Variants in MCM3AP observed in about 807,000 individuals in gnomAD.
MCM3AP encodes the protein minichromosome maintenance complex component 3 associated protein.
A neutral mutation model predicts 184.1 loss-of-function variants in MCM3AP; 126 were observed. The ratio of observed to expected loss-of-function variants is 0.68; its 90% CI spans 0.59 to 0.79. MCM3AP has a LOEUF of 0.79. Ranked by LOEUF, MCM3AP falls within the 30% of genes least tolerant of loss-of-function variation. The pLI is 0.00. For missense variants in MCM3AP, 2,496 were observed against 2,479.2 expected (o/e 1.01, Z -0.14); for synonymous variants, 1,002 against 979.3 (o/e 1.02, Z -0.43).
At chr21:46,269,395 C>G (rs1001123342) in intron 9 of MCM3AP, among the ~76,000 whole-genome samples, 6 of 152,274 alleles carry the variant, frequency 3.9e-5, no homozygotes, top group African/African-American at 1.2e-4. Context: ...GCCAGGATAA[C>G]AGGTGTGAGC....
chr21:46,264,429 G>A (rs999796287), intron 12 of MCM3AP, among the ~76,000 whole-genome samples: 2 of 152,170 alleles, frequency 1.3e-5, no homozygotes, highest in African/African-American at 2.4e-5. Context: ...GCCACACAGC[G>A]CCCTGGCCTA....
intron 9 of MCM3AP, among the ~76,000 whole-genome samples, chr21:46,268,392 G>C (rs984610912): frequency 2.0e-5 from 3 of 152,222 alleles, no homozygotes; most frequent in African/African-American, 7.2e-5. Flanking sequence ...GAGTACAACA[G>C]TGAACAAAAA....
Position 46,246,215 on chromosome 21 carries a change from A to G in MCM3AP, c.4647+92T>C, listed in dbSNP as rs2080764821. The stretch of plus-strand genomic sequence containing the variant: ...AACCCTGTCTCTTAAGAAAAAGACA[A>G]TGCAAACGCTAATATACACTCAATT... On this transcript the variant is annotated intron_variant, in intron 22 of 27. Coordinates refer to ENST00000291688, the MANE Select transcript of MCM3AP (RefSeq NM_003906.5). 5.2e-6 allele frequency: 4 copies of G among 776,498 alleles called. No individual in the cohort carries two copies. In the Admixed American group the frequency reaches 6.3e-5, roughly 12 times the overall value. The allele number at this position is 776,498 out of a possible 1,614,324, so 48.1% of individuals were successfully genotyped here.
chr21:46,264,406 C>T (rs996387939), intron 12 of MCM3AP, among the ~76,000 whole-genome samples, 189 bp from the exon 13 acceptor site: 5 of 152,166 alleles, frequency 3.3e-5, no homozygotes, highest in African/African-American at 4.8e-5. Flanking sequence ...GAGAGGAAGG[C>T]GCCCTGCGGA....
chr21:46,260,429 G>A (rs1299883665), intron 15 of MCM3AP, among the ~76,000 whole-genome samples: 1 of 152,124 alleles, frequency 6.6e-6, no homozygotes, highest in East Asian at 1.9e-4. Flanking sequence ...GGGACTACAG[G>A]TGCCTGGCGT....
chr21:46,259,078 T>C lies in MCM3AP; in HGVS notation c.3595A>G (p.Thr1199Ala), dbSNP rs1248252077. 1 of 1,611,288 alleles carries C rather than the reference T, an allele frequency of 6.2e-7. No homozygotes were observed. The highest frequency in any genetic ancestry group is 8.5e-7 in the Non-Finnish European group (1 of 1,178,902). The change falls in exon 16 of 28, where the codon ACA becomes GCA. Residue 1199 changes from threonine (T) to alanine (A), a missense_variant. By Grantham distance (58) the Thr-to-Ala change is moderately conservative. This residue lies in a region of MCM3AP where 1,323 missense variants were observed against 1,273.4 expected (regional missense o/e 1.04). Coordinates refer to ENST00000291688, the MANE Select transcript of MCM3AP (RefSeq NM_003906.5). The part of the protein sequence containing the change: ...CSQELKNAVE[T>A]DQRVRVARCC... The stretch of plus-strand genomic sequence containing the variant: ...CGGGCCACACGGACCCTCTGGTCTG[T>C]CTCTACTGCATTCCTAGAAACAGGG...
chr21:46,235,188 T>G lies in MCM3AP; in HGVS notation c.*80A>C. 2 of 1,403,286 alleles carry G rather than the reference T, an allele frequency of 1.4e-6. No homozygotes were observed. The highest frequency in any genetic ancestry group is 2.0e-6 in the Non-Finnish European group (2 of 1,003,456). The allele number at this position is 1,403,286 out of a possible 1,614,324, so 86.9% of individuals were successfully genotyped here. A position where few individuals can be genotyped will look rare whatever the true frequency, so the allele number is the denominator to read the frequency against. ...AATTAATCACATTTCCAACAGTGCA[T>G]CAAGCATCTGAGAATAACATTATTT... is the stretch of plus-strand genomic sequence containing the variant. On this transcript the variant is annotated 3_prime_UTR_variant, in exon 28 of 28. Transcript: ENST00000291688.
Position 46,244,887 on chromosome 21 carries a change from T to C in MCM3AP, c.4958A>G (p.Asn1653Ser), listed in dbSNP as rs1428036915. ...GSRLLPHLHWNAPEHLAWLKQ... is the reference protein window; with the variant it reads ...GSRLLPHLHWSAPEHLAWLKQ... The stretch of plus-strand genomic sequence containing the variant: ...CAGCCAGGCCAGGTGCTCTGGGGCA[T>C]TCCAGTGCAGGTGAGGAAGCAGCCG... The change falls in exon 23 of 28, where the codon AAT becomes AGT. Residue 1653 changes from asparagine (N) to serine (S), a missense_variant. Asn to Ser is a conservative substitution (Grantham distance 46). This residue lies in a region of MCM3AP where 1,323 missense variants were observed against 1,273.4 expected (regional missense o/e 1.04). Coordinates refer to ENST00000291688, the MANE Select transcript of MCM3AP (RefSeq NM_003906.5). The C allele has an allele frequency of 1.4e-5, 23 of 1,614,034 alleles. No homozygotes were observed. The highest frequency in any genetic ancestry group is 1.8e-5 in the Non-Finnish European group (21 of 1,180,026).
At position 46,256,820 on chromosome 21, in the gene MCM3AP, G is replaced by A. The variant is rs781218116; in HGVS notation, c.3901C>T (p.His1301Tyr). 12 of 1,561,194 alleles carry A rather than the reference G, an allele frequency of 7.7e-6. No individual in the cohort carries two copies. Among genetic ancestry groups the A allele is most frequent in the East Asian group, 2.4e-5 (1 of 42,088 alleles). Residue 1301 changes from histidine to tyrosine, a missense_variant, in exon 17 of 28, where the codon CAT becomes TAT. His to Tyr is a moderately conservative substitution (Grantham distance 83). Around this residue, in one of 5 missense-constraint regions of MCM3AP, gnomAD observed 1,323 missense variants for 1,273.4 expected, o/e 1.04. Transcript: ENST00000291688. ...CAGGAGATGCCCAATCTCCCTGCATGGCCCAGGTCCAGGAGGCCCCTGGCC... is the reference window on the plus strand; with the variant it reads ...CAGGAGATGCCCAATCTCCCTGCATAGCCCAGGTCCAGGAGGCCCCTGGCC... ...NLARGLLDLG[H>Y]AGRLGISCTR... is the part of the protein sequence containing the mutation.
At chr21:46,264,937 CAG>C (rs1451881021) in intron 12 of MCM3AP, among the ~76,000 whole-genome samples, 6 of 151,516 alleles carry the variant, frequency 4.0e-5, no homozygotes, top group African/African-American at 1.5e-4. Flanking sequence ...GGGGTCCCAT[CAG>C]GGGGACATGC....
At chr21:46,274,068 G>A (rs549802921) in intron 6 of MCM3AP, among the ~76,000 whole-genome samples, 1 of 152,356 alleles carries the variant, frequency 6.6e-6, no homozygotes, top group African/African-American at 2.4e-5. Flanking sequence ...CGTGGCCAAG[G>A]GAAGAGGCAG....
chr21:46,261,510 G>A (rs948696264), intron 13 of MCM3AP, 99 bp from the exon 14 acceptor site: 31 of 1,007,698 alleles, frequency 3.1e-5, no homozygotes, highest in South Asian at 1.3e-4. Context: ...TGAGGTGGGC[G>A]GATCACAAGG....
intron 9 of MCM3AP, among the ~76,000 whole-genome samples, chr21:46,268,547 C>T (rs1370668487): frequency 6.6e-6 from 1 of 152,198 alleles, no homozygotes; most frequent in Non-Finnish European, 1.5e-5. Flanking sequence ...CTGCTGAGGG[C>T]GGCAGCCAAG....
intron 9 of MCM3AP, chr21:46,270,195 C>A: frequency 2.2e-6 from 1 of 444,928 alleles, no homozygotes; most frequent in Non-Finnish European, 3.9e-6. Flanking sequence ...CAGTATTTTC[C>A]ATTGCACAGC....
rs988319714 is a variant in MCM3AP at position 46,265,336 on chromosome 21, G to A, written c.3219C>T (p.Pro1073=). ...GAGTCCCTACCTCGTCAGAGTACAT[G>A]GGCACGGGCTCTGGAGGCGGTGGTT... ...QPEPPPPEPV[P]MYSDEDLAQV... Residue 1073 remains proline (P), a synonymous_variant, in exon 12 of 28, where the codon CCC becomes CCT. Coordinates refer to ENST00000291688, the MANE Select transcript of MCM3AP (RefSeq NM_003906.5). 2 of 1,613,902 alleles carry A rather than the reference G, an allele frequency of 1.2e-6. No homozygotes were observed. Among genetic ancestry groups the A allele is most frequent in the Admixed American group, 1.7e-5 (1 of 60,008 alleles).
chr21:46,261,045 G>A, intron 14 of MCM3AP, 139 bp from the exon 15 acceptor site: 1 of 820,788 alleles, frequency 1.2e-6, no homozygotes, highest in Non-Finnish European at 2.0e-6. Context: ...CAGCTCCCCT[G>A]ACACCACCTC....
intron 3 of MCM3AP, 30 bp downstream of exon 3, chr21:46,280,467 A>T: frequency 2.7e-6 from 4 of 1,483,874 alleles, no homozygotes; most frequent in Middle Eastern, 1.7e-4. Context: ...TAATTTTTTT[A>T]AAAAGTGAAA....
chr21:46,276,299 A>C (rs1194214315), intron 5 of MCM3AP, among the ~76,000 whole-genome samples: 2 of 123,580 alleles, frequency 1.6e-5, no homozygotes, highest in Non-Finnish European at 3.7e-5. Context: ...ATACCTAATA[A>C]TAATTTTTAG....
chr21:46,258,450 T>C (rs1223086069), intron 16 of MCM3AP, among the ~76,000 whole-genome samples: 1 of 152,228 alleles, frequency 6.6e-6, no homozygotes, highest in Non-Finnish European at 1.5e-5. Flanking sequence ...TTATGATCAT[T>C]ATTTTCCTTC....
Sources: allele counts gnomAD v4.1 joint callset (sites outside exome capture counted in the v4.1 genomes callset), GRCh38; gene constraint gnomAD v4.1.1; regional missense constraint gnomAD v4.1.1; transcripts MANE v1.5; gene names NCBI Gene and HGNC (gene_info 2026-07-23, HGNC 2026-07-21).